The following TRPM3 variants were observed in gnomAD, a reference collection of about 807,000 sequenced individuals.
TRPM3 encodes the protein long transient receptor potential channel 3.
A neutral mutation model predicts 181.2 loss-of-function variants in TRPM3; 77 were observed. The observed-to-expected ratio is 0.42, with a 90% confidence interval of 0.35 to 0.51. The LOEUF is 0.51. Among genes scored for constraint, TRPM3 ranks in the 20% least tolerant of loss-of-function variants. The pLI is 0.01. For synonymous variants in TRPM3, 745 were observed against 796.4 expected, an observed-to-expected ratio of 0.94 and a Z score of 1.09; for missense variants, 1,759 against 2,196.7, an observed-to-expected ratio of 0.80 and a Z score of 3.98.
At chr9:71,340,050 A>G (rs114375275) in intron 1 of TRPM3, among the ~76,000 whole-genome samples, 2,636 of 151,640 alleles carry the variant, frequency 0.017, 84 homozygotes, top group African/African-American at 0.061. Flanking sequence ...GCTAAAGACA[A>G]AAAGAAATCT....
At chr9:70,552,030 G>C (rs1388119965) in intron 24 of TRPM3, among the ~76,000 whole-genome samples, 1 of 152,210 alleles carries the variant, frequency 6.6e-6, no homozygotes, top group Non-Finnish European at 1.5e-5. Context: ...CCACACAGAG[G>C]GAAGTAGACT....
chr9:70,663,028 G>A (rs1412210295), intron 9 of TRPM3, among the ~76,000 whole-genome samples: 3 of 152,106 alleles, frequency 2.0e-5, no homozygotes, highest in Non-Finnish European at 2.9e-5. Context: ...AGAAAATGCA[G>A]TATATACACA....
chr9:71,288,962 G>C (rs560785463), intron 1 of TRPM3, among the ~76,000 whole-genome samples: 269 of 152,200 alleles, frequency 1.8e-3, no homozygotes, highest in Non-Finnish European at 2.9e-3. Flanking sequence ...CTTTCTAACT[G>C]CAAGTCCAGT....
At chr9:71,364,832 T>C (rs545724398) in intron 1 of TRPM3, among the ~76,000 whole-genome samples, 1 of 152,340 alleles carries the variant, frequency 6.6e-6, no homozygotes, top group East Asian at 1.9e-4. Context: ...CATTAAAGAT[T>C]TACTGATACA....
chr9:71,383,097 C>T (rs755008114), intron 1 of TRPM3, among the ~76,000 whole-genome samples: 5 of 152,120 alleles, frequency 3.3e-5, no homozygotes, highest in Admixed American at 3.3e-4. Flanking sequence ...TAATAACACT[C>T]AATTTTGCTT....
At chr9:71,146,482 A>G (rs1016133457) in intron 1 of TRPM3, among the ~76,000 whole-genome samples, 1 of 152,164 alleles carries the variant, frequency 6.6e-6, no homozygotes, top group Non-Finnish European at 1.5e-5. Flanking sequence ...CAATTGTCCT[A>G]AAAGAATACA....
intron 8 of TRPM3, among the ~76,000 whole-genome samples, chr9:70,688,206 G>A (rs947028351): frequency 8.6e-5 from 13 of 152,024 alleles, no homozygotes; most frequent in African/African-American, 2.4e-4. Context: ...ATATTAGGAC[G>A]TTTAAAGTGG....
At position 70,819,295 on chromosome 9, in the gene TRPM3, G is replaced by T. The variant is rs542189639; in HGVS notation, c.973+8552C>A. ...TCACATTTTAAAATGTCTCCCAGGGGAGGCACATAATCATAGATATATAGG... is the reference window on the plus strand; with the variant it reads ...TCACATTTTAAAATGTCTCCCAGGGTAGGCACATAATCATAGATATATAGG... On this transcript the variant is annotated intron_variant, in intron 6 of 25. Coordinates refer to ENST00000677713, the MANE Select transcript of TRPM3 (RefSeq NM_001366145.2). 1.2e-4 allele frequency among the ~76,000 whole-genome samples: 19 copies of T among 152,252 alleles called. No homozygotes were observed. The South Asian group carries it at 3.9e-3, about 32-fold the overall frequency.
At chr9:71,191,393 T>C (rs1284270221) in intron 1 of TRPM3, among the ~76,000 whole-genome samples, 1 of 151,806 alleles carries the variant, frequency 6.6e-6, no homozygotes, top group African/African-American at 2.4e-5. Flanking sequence ...TCTTCCACAA[T>C]GCTTTCCACA....
rs1473807071 is a variant in TRPM3 at position 71,009,164 on chromosome 9, G to A, written c.177+112014C>T. ...TTCTCTATGATCTGGAACAAGACAA[G>A]GGTATCCACTTTCATCACTTTTTAT... On this transcript the variant is annotated intron_variant, in intron 1 of 25. Coordinates refer to ENST00000677713, the MANE Select transcript of TRPM3 (RefSeq NM_001366145.2). Among the ~76,000 whole-genome samples, 4 of 152,082 alleles carry A rather than the reference G, an allele frequency of 2.6e-5. 1 individual carries two copies. Among genetic ancestry groups the A allele is most frequent in the Non-Finnish European group, 5.9e-5 (4 of 68,018 alleles).
chr9:71,162,224 GA>G (rs1231439885), intron 1 of TRPM3, among the ~76,000 whole-genome samples: 5 of 133,778 alleles, frequency 3.7e-5, no homozygotes, highest in Non-Finnish European at 8.1e-5. Context: ...AAAAAAAGAA[GA>G]AAAAGAAAAA....
At chr9:71,100,793 A>G (rs1404692585) in intron 1 of TRPM3, among the ~76,000 whole-genome samples, 1 of 152,152 alleles carries the variant, frequency 6.6e-6, no homozygotes, top group Non-Finnish European at 1.5e-5. Flanking sequence ...TCTCCTTTGC[A>G]AGAAAACCCC....
At chr9:71,422,580 A>C (rs929989785) in intron 1 of TRPM3, among the ~76,000 whole-genome samples, 19 of 152,092 alleles carry the variant, frequency 1.2e-4, no homozygotes, top group Non-Finnish European at 2.5e-4. Flanking sequence ...CTTTATACTT[A>C]ATAAATGATA....
At chr9:71,347,254 T>C (rs983067397) in intron 1 of TRPM3, among the ~76,000 whole-genome samples, 3 of 152,218 alleles carry the variant, frequency 2.0e-5, no homozygotes, top group Non-Finnish European at 2.9e-5. Flanking sequence ...TGATACATGA[T>C]AGACATTCAG....
At chr9:71,248,920 T>C (rs1195293693) in intron 1 of TRPM3, among the ~76,000 whole-genome samples, 1 of 152,178 alleles carries the variant, frequency 6.6e-6, no homozygotes, top group African/African-American at 2.4e-5. Flanking sequence ...AAAATCTTCA[T>C]GAAGGAAGAA....
intron 1 of TRPM3, among the ~76,000 whole-genome samples, chr9:71,205,603 G>C (rs1264668076): frequency 6.6e-6 from 1 of 152,098 alleles, no homozygotes; most frequent in Non-Finnish European, 1.5e-5. Flanking sequence ...GTAGTTTGAG[G>C]ACACAGACAA....
chr9:70,904,769 G>A (rs764711213), intron 1 of TRPM3, among the ~76,000 whole-genome samples: 3 of 152,192 alleles, frequency 2.0e-5, no homozygotes, highest in African/African-American at 4.8e-5. Context: ...ACAAGATTTA[G>A]AGCTATAAAT....
intron 3 of TRPM3, among the ~76,000 whole-genome samples, chr9:70,850,663 T>A (rs890509205): frequency 6.6e-6 from 1 of 152,206 alleles, no homozygotes; most frequent in African/African-American, 2.4e-5. Context: ...ACTTGAGTAG[T>A]GTGGTTTAGC....
intron 14 of TRPM3, among the ~76,000 whole-genome samples, chr9:70,624,531 T>G (rs2133268828): frequency 6.6e-6 from 1 of 152,322 alleles, no homozygotes. Flanking sequence ...TTAAGAAACG[T>G]TACTTATTAA....
Sources: allele counts gnomAD v4.1 joint callset (sites outside exome capture counted in the v4.1 genomes callset), GRCh38; gene constraint gnomAD v4.1.1; transcripts MANE v1.5; gene names NCBI Gene and HGNC (gene_info 2026-07-23, HGNC 2026-07-21).